Variants in ZNF880 observed in about 807,000 individuals in gnomAD.
ZNF880 encodes the protein zinc finger protein LOC400713.
In ZNF880, 12 loss-of-function variants were observed where a neutral mutation model predicts 11.8. That is an observed-to-expected ratio of 1.02 (90% CI 0.65 to 1.65). The LOEUF is 1.65. Ranked by LOEUF, ZNF880 falls within the 40% of genes most tolerant of loss-of-function variation. The pLI, the probability that ZNF880 is intolerant of heterozygous loss-of-function variation, is 0.00. For missense variants in ZNF880, 601 were observed against 673.9 expected (o/e 0.89, Z 1.20); for synonymous variants, 210 against 232.4 (o/e 0.90, Z 0.88).
chr19:52,391,611 GAATT>G, the ZNF880 span: 2 of 152,146 alleles, frequency 1.3e-5, no homozygotes, highest in Non-Finnish European at 2.9e-5. Flanking sequence ...GATGAATGAT[GAATT>G]GATTGGATAT....
chr19:52,374,617 A>G (rs771562373), intron 3 of ZNF880, 190 bp downstream of exon 3: 12 of 766,156 alleles, frequency 1.6e-5, no homozygotes, highest in South Asian at 1.5e-4. Context: ...GATTACAAGC[A>G]TGAGCCACTG....
chr19:52,388,037 G>A (rs945116279), downstream of ZNF880, among the ~76,000 whole-genome samples: 7 of 136,238 alleles, frequency 5.1e-5, 2 homozygotes, highest in South Asian at 2.2e-4. Context: ...GCACCACCAC[G>A]CCCGGCTAAT....
At chr19:52,369,237 C>T (rs545682596), upstream of ZNF880, among the ~76,000 whole-genome samples, 856 of 150,902 alleles carry the variant, frequency 5.7e-3, 12 homozygotes, top group African/African-American at 0.019. Flanking sequence ...TGGTGGGCGC[C>T]TGTAATCCCA....
upstream of ZNF880, chr19:52,369,857 G>A (rs1252462457): frequency 2.1e-6 from 3 of 1,423,058 alleles, no homozygotes; most frequent in East Asian, 5.0e-5. Flanking sequence ...GCGAGGCGGA[G>A]GGAAGCGCAG....
At chr19:52,376,879 G>C (rs998554173) in intron 3 of ZNF880, among the ~76,000 whole-genome samples, 1 of 151,980 alleles carries the variant, frequency 6.6e-6, no homozygotes, top group African/African-American at 2.4e-5. Context: ...TGTAGATTCT[G>C]GATATTAGTC....
In ZNF880 at chr19:52,384,996, C is replaced by T. The variant is rs1986837868; in HGVS notation, c.1416C>T (p.Asp472=). The T allele has an allele frequency of 6.4e-7, 1 of 1,565,364 alleles. No individual in the cohort carries two copies. The highest frequency in any genetic ancestry group is 8.7e-7 in the Non-Finnish European group (1 of 1,153,924). The change falls in exon 4 of 4, where the codon GAC becomes GAT. Residue 472 remains aspartate, a synonymous_variant. Coordinates refer to ENST00000422689, the MANE Select transcript of ZNF880 (RefSeq NM_001145434.2). Reference sequence around the variant, plus strand: ...ACAGATGTGATGAATGTGGCAAGGACTTCACTCGAAATTCAAACCTTGCAA... The same window carrying T: ...ACAGATGTGATGAATGTGGCAAGGATTTCACTCGAAATTCAAACCTTGCAA... ...KPYRCDECGK[D]FTRNSNLANH...
chr19:52,394,949 T>C, the ZNF880 span: 2 of 152,470 alleles, frequency 1.3e-5, no homozygotes, highest in African/African-American at 4.8e-5. Flanking sequence ...ATATTGAACC[T>C]TGTGATTCTA....
At chr19:52,370,265 C>T in intron 1 of ZNF880, 1 of 457,240 alleles carries the variant, frequency 2.2e-6, no homozygotes, top group East Asian at 3.7e-5. Flanking sequence ...GCCCGCGCTG[C>T]GTAAAGTTCT....
downstream of ZNF880, among the ~76,000 whole-genome samples, chr19:52,386,186 AAAG>A (rs1986883168): frequency 1.4e-5 from 2 of 139,688 alleles, no homozygotes; most frequent in Non-Finnish European, 1.5e-5. Context: ...AAAAAAAAAA[AAAG>A]AAAGAAAAAG....
downstream of ZNF880, among the ~76,000 whole-genome samples, chr19:52,386,666 G>C (rs185323483): frequency 4.2e-5 from 6 of 142,150 alleles, no homozygotes; most frequent in African/African-American, 1.7e-4. Context: ...GCTGAGCGTG[G>C]TGGTAGATGC....
intron 1 of ZNF880, among the ~76,000 whole-genome samples, chr19:52,371,710 C>A (rs928471862): frequency 1.3e-5 from 2 of 152,260 alleles, no homozygotes; most frequent in South Asian, 4.1e-4. Flanking sequence ...GCCCAGACTC[C>A]TGGGATCTGG....
chr19:52,378,645 CAAAAAAAAAAA>C (rs3070397), intron 3 of ZNF880, among the ~76,000 whole-genome samples: 1 of 85,182 alleles, frequency 1.2e-5, no homozygotes, highest in Non-Finnish European at 2.3e-5. Flanking sequence ...GACTCTGTCT[CAAAAAAAAAAA>C]AAAAAAAAAA....
rs531039612 is a variant in ZNF880, at chr19:52,374,477, T to TA, written c.268+53dup. 1.9e-3 allele frequency: 2,889 copies of TA among 1,530,606 alleles called. 1 individual carries two copies. The highest frequency in any genetic ancestry group is 8.3e-3 in the Middle Eastern group (49 of 5,920). 94.8% of individuals were successfully genotyped at this position (1,530,606 alleles called of 1,614,324 possible). A position where few individuals can be genotyped will look rare whatever the true frequency, so the allele number is the denominator to read the frequency against. ...GAGGCCCCATAATTTTTTTTTTTTT[T>TA]AAACAGGGTCTTGCTCTGTCACCCA... On this transcript the variant is annotated intron_variant, in intron 3 of 3. Coordinates refer to ENST00000422689, the MANE Select transcript of ZNF880 (RefSeq NM_001145434.2).
At chr19:52,393,955 G>A in the ZNF880 span, among the ~76,000 whole-genome samples, 2 of 150,586 alleles carry the variant, frequency 1.3e-5, no homozygotes, top group Non-Finnish European at 1.5e-5. Context: ...TCCTGCCTCG[G>A]CCTCCCCAGT....
At chr19:52,379,403 T>A (rs1258941952) in intron 3 of ZNF880, 3 of 187,726 alleles carry the variant, frequency 1.6e-5, no homozygotes, top group Non-Finnish European at 3.4e-5. Context: ...TTCATTTTTC[T>A]TTTTTTTTTT....
intron 3 of ZNF880, among the ~76,000 whole-genome samples, chr19:52,383,640 C>A (rs1986765792): frequency 6.6e-6 from 1 of 152,206 alleles, no homozygotes; most frequent in Admixed American, 6.5e-5. Context: ...CTCAAACTCA[C>A]CCATAATCCA....
downstream of ZNF880, among the ~76,000 whole-genome samples, chr19:52,386,185 A>AAAG (rs796612964): frequency 4.9e-3 from 687 of 141,166 alleles, 71 homozygotes; most frequent in East Asian, 0.065. Flanking sequence ...AAAAAAAAAA[A>AAAG]AAAGAAAGAA....
chr19:52,387,668 C>T (rs192203717), downstream of ZNF880, among the ~76,000 whole-genome samples: 21 of 142,688 alleles, frequency 1.5e-4, 3 homozygotes, highest in South Asian at 1.7e-3. Context: ...AGGCTGTTCT[C>T]GAACTCCTGA....
chr19:52,380,916 G>A (rs1232469788), intron 3 of ZNF880, among the ~76,000 whole-genome samples: 1 of 151,922 alleles, frequency 6.6e-6, no homozygotes, highest in East Asian at 1.9e-4. Flanking sequence ...TAGGATCAGT[G>A]ATCTTCCCAC....
Sources: gnomAD v4.1 joint callset for allele counts (sites outside exome capture counted in the v4.1 genomes callset) on GRCh38, gnomAD v4.1.1 for gene constraint, MANE v1.5 for transcripts, NCBI Gene and HGNC (gene_info 2026-07-23, HGNC 2026-07-21) for gene names.